KLHL13: variants seen among roughly 807,000 people sequenced by gnomAD.
KLHL13 encodes kelch-like protein 13.
Under a neutral mutation model 37.1 loss-of-function variants are expected in KLHL13, and 10 were observed. The observed-to-expected ratio is 0.27, with a 90% CI of 0.17 to 0.46. KLHL13 has a LOEUF of 0.46. Among genes scored for constraint, KLHL13 ranks in the 20% least tolerant of loss-of-function variants. KLHL13 has a pLI of 1.00. For synonymous variants in KLHL13, 163 were observed against 181.2 expected (o/e 0.90, Z 0.81); for missense variants, 360 against 509.3 (o/e 0.71, Z 2.82).
At chrX:118,089,098 A>C (rs745932728) in intron 1 of KLHL13, among the ~76,000 whole-genome samples, 1 of 111,574 alleles carries the variant, frequency 9.0e-6, no homozygotes, top group East Asian at 2.8e-4. Context: ...CTCCAGCTAA[A>C]CACTACAGAA....
chrX:118,026,343 T>C (rs2054275066), intron 1 of KLHL13, among the ~76,000 whole-genome samples: 1 of 111,945 alleles, frequency 8.9e-6, no homozygotes, highest in Admixed American at 9.6e-5. Flanking sequence ...AAACTATGCA[T>C]GGATTTCAAT....
At chrX:117,969,785 T>A (rs1396941427) in intron 1 of KLHL13, among the ~76,000 whole-genome samples, 1 of 111,913 alleles carries the variant, frequency 8.9e-6, no homozygotes, top group African/African-American at 3.2e-5. Flanking sequence ...TACAGCAAAA[T>A]TTTTTAAGTG....
chrX:117,922,402 T>C (rs1221565519), intron 2 of KLHL13, among the ~76,000 whole-genome samples: 1 of 111,758 alleles, frequency 8.9e-6, no homozygotes, highest in Non-Finnish European at 1.9e-5. Context: ...CTAGCATCTT[T>C]GAATTCCCCA....
chrX:118,008,187 C>A (rs962166586), intron 1 of KLHL13, among the ~76,000 whole-genome samples: 5 of 111,621 alleles, frequency 4.5e-5, no homozygotes, highest in Middle Eastern at 4.2e-3. Flanking sequence ...TTTACATAAT[C>A]TTTCTAACGC....
chrX:118,107,287 T>A (rs757729683), intron 1 of KLHL13, among the ~76,000 whole-genome samples: 2 of 112,150 alleles, frequency 1.8e-5, no homozygotes, highest in South Asian at 7.5e-4. Context: ...GATGCCATAT[T>A]TGAGTAAGTA....
intron 1 of KLHL13, among the ~76,000 whole-genome samples, chrX:118,008,500 A>T (rs1489922061): frequency 8.9e-6 from 1 of 111,862 alleles, no homozygotes; most frequent in African/African-American, 3.2e-5. Context: ...AAGATCTAAT[A>T]CTATGGGAGC....
chrX:117,971,261 A>G (rs1274495210), intron 1 of KLHL13, among the ~76,000 whole-genome samples: 1 of 111,369 alleles, frequency 9.0e-6, no homozygotes, highest in African/African-American at 3.3e-5. Flanking sequence ...TTGTAACCTG[A>G]TTTTAGTGAG....
chrX:118,077,730 AT>A (rs899461502), intron 1 of KLHL13, among the ~76,000 whole-genome samples: 3 of 110,988 alleles, frequency 2.7e-5, no homozygotes, highest in Non-Finnish European at 5.7e-5. Flanking sequence ...TCTGAGACTG[AT>A]TTTTACCTCT....
intron 1 of KLHL13, among the ~76,000 whole-genome samples, chrX:118,044,607 T>C (rs779086913): frequency 4.5e-5 from 5 of 111,648 alleles, no homozygotes; most frequent in Non-Finnish European, 9.4e-5. Context: ...ACTCATTTTT[T>C]ACAAAGGTGC....
chrX:117,966,322 G>T (rs1181001199), intron 1 of KLHL13, among the ~76,000 whole-genome samples: 4 of 111,091 alleles, frequency 3.6e-5, no homozygotes, highest in Non-Finnish European at 7.5e-5. Flanking sequence ...GCTTCAAAGA[G>T]AATAAAATAC....
chrX:117,964,263 T>A (rs2053370071), intron 1 of KLHL13, among the ~76,000 whole-genome samples: 2 of 112,125 alleles, frequency 1.8e-5, no homozygotes, highest in African/African-American at 6.5e-5. Context: ...CTACCTCCAG[T>A]TCAAGTCTCC....
At chrX:117,951,482 G>C (rs751262663) in intron 1 of KLHL13, among the ~76,000 whole-genome samples, 3 of 110,789 alleles carry the variant, frequency 2.7e-5, no homozygotes, top group Non-Finnish European at 3.8e-5. Flanking sequence ...TTGCCTGAAA[G>C]GAATCAAGAA....
chrX:117,951,043 G>C (rs1447252532), intron 1 of KLHL13, among the ~76,000 whole-genome samples: 1 of 111,895 alleles, frequency 8.9e-6, no homozygotes, highest in South Asian at 3.7e-4. Context: ...TATTCATACT[G>C]CATTGAATTC....
At chrX:117,941,740 C>A (rs755689978) in intron 2 of KLHL13, among the ~76,000 whole-genome samples, 11 of 111,246 alleles carry the variant, frequency 9.9e-5, no homozygotes, top group African/African-American at 3.6e-4. Flanking sequence ...CTTCATTAAT[C>A]TGGCTAGCGG....
chrX:117,974,205 T>G (rs1185177383), upstream of KLHL13, among the ~76,000 whole-genome samples: 1 of 111,912 alleles, frequency 8.9e-6, no homozygotes, highest in African/African-American at 3.2e-5. Flanking sequence ...ACTGTTTATT[T>G]ACAGGCTGAA....
rs183708077 is a variant in KLHL13 at position 117,913,846 on chromosome X, A to T, written c.571-3750T>A. 6.7e-3 allele frequency among the ~76,000 whole-genome samples: 733 copies of T among 110,172 alleles called. 4 individuals are homozygous for T. Among genetic ancestry groups the T allele is most frequent in the African/African-American group, 0.023 (702 of 30,344 alleles). On this transcript the variant is annotated intron_variant, in intron 4 of 6. Transcript: ENST00000262820. ...GACAGAGCAAGACTCCATCAAAAAAAAGAAAAAAAAAAAAAAGAACAACAA... is the reference window on the plus strand; with the variant it reads ...GACAGAGCAAGACTCCATCAAAAAATAGAAAAAAAAAAAAAAGAACAACAA...
exon 1 of KLHL13, chrX:117,972,867 T>G: frequency 8.3e-7 from 1 of 1,201,675 alleles, no homozygotes. Context: ...AAAGAGCGTT[T>G]CCATAACAGA....
chrX:117,926,545 T>C (rs763748483), intron 2 of KLHL13, among the ~76,000 whole-genome samples: 1 of 111,528 alleles, frequency 9.0e-6, no homozygotes, highest in Non-Finnish European at 1.9e-5. Context: ...GTGGAAACCT[T>C]ACAAGGCTGG....
At chrX:117,905,347 T>C (rs141224877) in intron 5 of KLHL13, among the ~76,000 whole-genome samples, 1 of 112,050 alleles carries the variant, frequency 8.9e-6, no homozygotes, top group East Asian at 2.8e-4. Flanking sequence ...ATGACACAAT[T>C]TTGAAAGATG....
Sources: gnomAD v4.1 joint callset for allele counts (sites outside exome capture counted in the v4.1 genomes callset) on GRCh38, gnomAD v4.1.1 for gene constraint, MANE v1.5 for transcripts, NCBI Gene and HGNC (gene_info 2026-07-23, HGNC 2026-07-21) for gene names.